The following RAB38 variants were observed in gnomAD, a reference collection of about 807,000 sequenced individuals.
RAB38 encodes the protein ras-related protein Rab-38.
In RAB38, 15 loss-of-function variants were observed where a neutral mutation model predicts 18.4. The ratio of observed to expected loss-of-function variants is 0.82; its 90% confidence interval spans 0.55 to 1.26. The LOEUF (loss-of-function observed/expected upper bound fraction) is 1.26, where lower values mean the gene tolerates loss of function less well. Among genes scored for constraint, RAB38 ranks in the 50% most tolerant of loss-of-function variants. The pLI is 0.00. For synonymous variants in RAB38, 101 were observed against 104.4 expected (o/e 0.97, Z 0.20); for missense variants, 294 against 267.4 (o/e 1.10, Z -0.69).
At chr11:88,168,849 C>A (rs1345620749) in intron 1 of RAB38, among the ~76,000 whole-genome samples, 1 of 152,158 alleles carries the variant, frequency 6.6e-6, no homozygotes, top group Non-Finnish European at 1.5e-5. Context: ...TTCACAAACC[C>A]ATTCCTCAAT....
the RAB38 span, among the ~76,000 whole-genome samples, chr11:87,822,879 A>G: frequency 6.6e-6 from 1 of 152,240 alleles, no homozygotes; most frequent in African/African-American, 2.4e-5. Flanking sequence ...ATGACAAACC[A>G]GAAAGGAAAC....
chr11:88,088,470 C>T, the RAB38 span, among the ~76,000 whole-genome samples: 1 of 151,886 alleles, frequency 6.6e-6, no homozygotes, highest in Admixed American at 6.6e-5. Flanking sequence ...TGTAATTAAT[C>T]ATCAGGTGAT....
the RAB38 span, among the ~76,000 whole-genome samples, chr11:88,046,272 C>G: frequency 6.6e-6 from 1 of 152,168 alleles, no homozygotes; most frequent in African/African-American, 2.4e-5. Context: ...TTACAATTCC[C>G]CCATTTTACC....
chr11:87,821,272 A>T, the RAB38 span, among the ~76,000 whole-genome samples: 1 of 152,240 alleles, frequency 6.6e-6, no homozygotes, highest in South Asian at 2.1e-4. Flanking sequence ...AGAAGAGTTG[A>T]TTTTGCAGAA....
At chr11:88,095,988 A>G in the RAB38 span, among the ~76,000 whole-genome samples, 1 of 151,860 alleles carries the variant, frequency 6.6e-6, no homozygotes, top group African/African-American at 2.4e-5. Context: ...GATTATTGCA[A>G]TAGTCTCCTA....
the RAB38 span, among the ~76,000 whole-genome samples, chr11:88,029,613 A>G: frequency 2.6e-5 from 4 of 152,306 alleles, no homozygotes; most frequent in South Asian, 8.3e-4. Flanking sequence ...TAAACCAACA[A>G]AGATCAAAAG....
At chr11:87,901,088 G>T in the RAB38 span, among the ~76,000 whole-genome samples, 10 of 151,512 alleles carry the variant, frequency 6.6e-5, no homozygotes, top group Non-Finnish European at 1.3e-4. Context: ...ACCCAGTTCT[G>T]CTTTCTCTGG....
At chr11:88,156,419 C>T (rs922875614) in intron 1 of RAB38, among the ~76,000 whole-genome samples, 3 of 152,154 alleles carry the variant, frequency 2.0e-5, no homozygotes, top group African/African-American at 7.2e-5. Context: ...AATGTCATAT[C>T]CCAGCTGGGT....
At chr11:88,103,453 G>C in the RAB38 span, among the ~76,000 whole-genome samples, 1 of 151,888 alleles carries the variant, frequency 6.6e-6, no homozygotes, top group African/African-American at 2.4e-5. Flanking sequence ...TATATATTCT[G>C]TCTCTCTCCC....
chr11:87,893,645 A>G, the RAB38 span, among the ~76,000 whole-genome samples: 1 of 151,580 alleles, frequency 6.6e-6, no homozygotes, highest in South Asian at 2.1e-4. Context: ...AACTCAAGCT[A>G]TATATCCACT....
the RAB38 span, among the ~76,000 whole-genome samples, chr11:87,964,916 C>T: frequency 6.6e-6 from 1 of 152,138 alleles, no homozygotes; most frequent in Non-Finnish European, 1.5e-5. Flanking sequence ...CTTTCTCGCT[C>T]ACTTGCATCC....
the RAB38 span, among the ~76,000 whole-genome samples, chr11:88,018,270 G>A: frequency 3.9e-5 from 6 of 152,074 alleles, no homozygotes; most frequent in South Asian, 1.2e-3. Flanking sequence ...ATTATCAAAA[G>A]TCAACTCTTA....
At chr11:88,065,576 C>G in the RAB38 span, among the ~76,000 whole-genome samples, 1 of 152,168 alleles carries the variant, frequency 6.6e-6, no homozygotes, top group East Asian at 1.9e-4. Flanking sequence ...TAGTAGGGAA[C>G]AGAAGTAGCT....
chr11:88,049,861 C>A, the RAB38 span, among the ~76,000 whole-genome samples: 4 of 152,188 alleles, frequency 2.6e-5, no homozygotes, highest in Non-Finnish European at 4.4e-5. Context: ...TTGGTTTTTA[C>A]TACAGTGAAT....
At chr11:88,064,567 CAT>C in the RAB38 span, among the ~76,000 whole-genome samples, 7 of 152,212 alleles carry the variant, frequency 4.6e-5, no homozygotes, top group African/African-American at 1.4e-4. Flanking sequence ...CAGAGTATAA[CAT>C]GTGATAAATA....
the RAB38 span, among the ~76,000 whole-genome samples, chr11:88,028,440 G>A: frequency 1.3e-5 from 2 of 152,146 alleles, no homozygotes; most frequent in African/African-American, 4.8e-5. Flanking sequence ...CGAGCTACAG[G>A]AGGAAATTCA....
At chr11:88,028,073 A>G in the RAB38 span, among the ~76,000 whole-genome samples, 1 of 152,216 alleles carries the variant, frequency 6.6e-6, no homozygotes, top group South Asian at 2.1e-4. Context: ...CGGTTCAAGA[A>G]AAACCACTGT....
chr11:88,110,517 A>C (rs952369241), downstream of RAB38, among the ~76,000 whole-genome samples: 2 of 152,084 alleles, frequency 1.3e-5, no homozygotes, highest in Non-Finnish European at 2.9e-5. Flanking sequence ...AACCTAAAGT[A>C]TAAAAATAAT....
At chr11:88,085,471 C>A in the RAB38 span, among the ~76,000 whole-genome samples, 1 of 151,840 alleles carries the variant, frequency 6.6e-6, no homozygotes, top group African/African-American at 2.4e-5. Context: ...TGGCTCCAAA[C>A]CTAATTATAT....
Sources: gnomAD v4.1 joint callset for allele counts (sites outside exome capture counted in the v4.1 genomes callset) on GRCh38, gnomAD v4.1.1 for gene constraint, MANE v1.5 for transcripts, NCBI Gene and HGNC (gene_info 2026-07-23, HGNC 2026-07-21) for gene names.